XKR4: variants seen among roughly 807,000 people sequenced by gnomAD.
XKR4 encodes the protein XK-related protein 4.
Under a neutral mutation model 53.9 loss-of-function variants are expected in XKR4, and 12 were observed. The ratio of observed to expected loss-of-function variants is 0.22; its 90% CI spans 0.14 to 0.36. The LOEUF (loss-of-function observed/expected upper bound fraction) is 0.36. XKR4 is among the 10% of genes least tolerant of loss of function. The pLI is 1.00. For synonymous variants in XKR4, 354 were observed against 362.4 expected (o/e 0.98, Z 0.26); for missense variants, 799 against 859.5 (o/e 0.93, Z 0.88).
intron 1 of XKR4, among the ~76,000 whole-genome samples, chr8:55,283,305 G>A (rs1218512873): frequency 1.3e-5 from 2 of 152,172 alleles, no homozygotes; most frequent in African/African-American, 4.8e-5. Flanking sequence ...TGAAGAAGTA[G>A]CTATGGAATA....
chr8:55,207,412 C>T (rs1817664723), intron 1 of XKR4, among the ~76,000 whole-genome samples: 1 of 152,190 alleles, frequency 6.6e-6, no homozygotes, highest in Non-Finnish European at 1.5e-5. Context: ...CTAATTATTC[C>T]ATTCATTCCC....
chr8:55,391,055 C>T (rs1335422356), intron 2 of XKR4, among the ~76,000 whole-genome samples: 1 of 152,130 alleles, frequency 6.6e-6, no homozygotes, highest in Non-Finnish European at 1.5e-5. Flanking sequence ...GCATTCCTTA[C>T]AATAAGAGAA....
intron 1 of XKR4, among the ~76,000 whole-genome samples, chr8:55,137,832 A>G (rs1332983577): frequency 1.3e-5 from 2 of 152,136 alleles, no homozygotes; most frequent in African/African-American, 4.8e-5. Context: ...TTGGCCTTCC[A>G]AAGTGCTAGG....
At position 55,112,562 on chromosome 8, in the gene XKR4, GTTTTTTTTTT is replaced by G. The variant is rs761779642; in HGVS notation, c.806+9285_806+9294del. On this transcript the variant is annotated intron_variant, in intron 1 of 2. Transcript: ENST00000327381. Reference sequence around the variant, plus strand: ...TGGGGCTGAATTCTTTACTTTTCAGGTTTTTTTTTTTTTTTTTTTTTTTTTTAGGGAGCAG... The same window carrying G: ...TGGGGCTGAATTCTTTACTTTTCAGGTTTTTTTTTTTTTTTTAGGGAGCAG... 5.5e-3 allele frequency among the ~76,000 whole-genome samples: 424 copies of G among 77,218 alleles called. 3 individuals carry two copies. Among genetic ancestry groups the G allele is most frequent in the Middle Eastern group, 0.022 (1 of 46 alleles). The allele number at this position is 77,218 out of a possible 152,430, so 50.7% of individuals were successfully genotyped here. A position where few individuals can be genotyped will look rare whatever the true frequency, so the allele number is the denominator to read the frequency against.
intron 1 of XKR4, among the ~76,000 whole-genome samples, chr8:55,141,895 A>G (rs1418620814): frequency 6.6e-6 from 1 of 152,074 alleles, no homozygotes; most frequent in East Asian, 1.9e-4. Context: ...TGCTCACTGC[A>G]TAGTCCGCAG....
At chr8:55,171,399 T>C (rs1160895673) in intron 1 of XKR4, among the ~76,000 whole-genome samples, 1 of 152,154 alleles carries the variant, frequency 6.6e-6, no homozygotes, top group African/African-American at 2.4e-5. Context: ...CACTCAGCCA[T>C]AGACTTTTGG....
At chr8:55,289,442 G>A (rs1012946229) in intron 1 of XKR4, among the ~76,000 whole-genome samples, 1 of 150,892 alleles carries the variant, frequency 6.6e-6, no homozygotes, top group Non-Finnish European at 1.5e-5. Context: ...TTGAACCCAG[G>A]AGGCAGAGGT....
At chr8:55,361,392 A>T (rs1440551862) in intron 2 of XKR4, among the ~76,000 whole-genome samples, 3 of 152,134 alleles carry the variant, frequency 2.0e-5, no homozygotes, top group African/African-American at 7.2e-5. Context: ...TAGTGTCCAC[A>T]TGGAGGGTGC....
rs1199616695 is a variant in XKR4 at position 55,539,335 on chromosome 8, A to C, written c.*15108A>C. The C allele has an allele frequency of 6.6e-6, 1 of 152,194 alleles. No homozygotes were observed. Among genetic ancestry groups the C allele is most frequent in the Non-Finnish European group, 1.5e-5 (1 of 68,022 alleles). 9.4% of individuals were successfully genotyped at this position (152,194 alleles called of 1,614,324 possible). ...TTAAGGATTATATTCCATTGTGAAA[A>C]AAATGTGCACACTCTTAAAAACACA... On this transcript the variant is annotated 3_prime_UTR_variant, in exon 3 of 3. Coordinates refer to ENST00000327381, the MANE Select transcript of XKR4 (RefSeq NM_052898.2).
At chr8:55,381,716 C>T (rs1331316748) in intron 2 of XKR4, among the ~76,000 whole-genome samples, 2 of 152,200 alleles carry the variant, frequency 1.3e-5, no homozygotes, top group Non-Finnish European at 2.9e-5. Flanking sequence ...GAAACACCCT[C>T]ATAGACATAC....
At chr8:55,174,441 G>A (rs1352973726) in intron 1 of XKR4, among the ~76,000 whole-genome samples, 3 of 152,148 alleles carry the variant, frequency 2.0e-5, no homozygotes, top group African/African-American at 7.2e-5. Context: ...AGAGGAAAAG[G>A]ATGGGGACTA....
At chr8:55,178,882 C>T (rs1563476253) in intron 1 of XKR4, among the ~76,000 whole-genome samples, 1 of 152,090 alleles carries the variant, frequency 6.6e-6, no homozygotes, top group Non-Finnish European at 1.5e-5. Context: ...CTTGGTGTTC[C>T]CCAAAGAATA....
chr8:55,355,194 A>G (rs1563331310), intron 1 of XKR4, among the ~76,000 whole-genome samples: 3 of 152,046 alleles, frequency 2.0e-5, no homozygotes, highest in Admixed American at 1.3e-4. Context: ...GTGAGCCACC[A>G]TGCCCAGCCT....
chr8:55,307,103 A>C (rs1462664347), intron 1 of XKR4, among the ~76,000 whole-genome samples: 1 of 152,210 alleles, frequency 6.6e-6, no homozygotes, highest in Non-Finnish European at 1.5e-5. Flanking sequence ...TAGATTTGAC[A>C]CCAAAAGCAT....
In XKR4 at chr8:55,525,072, G is replaced by C. The variant is rs979187312; in HGVS notation, c.*845G>C. 6.6e-6 allele frequency: 1 copy of C among 152,610 alleles called. No homozygotes were observed. Among genetic ancestry groups the C allele is most frequent in the African/African-American group, 2.4e-5 (1 of 41,458 alleles). 9.5% of individuals were successfully genotyped at this position (152,610 alleles called of 1,614,324 possible). On this transcript the variant is annotated 3_prime_UTR_variant, in exon 3 of 3. Transcript: ENST00000327381. The stretch of plus-strand genomic sequence containing the variant: ...TACACAAAGAGGAAGTGGGGAAAAA[G>C]GCAAAATGAGAGTCTGATTCCCAGG...
At chr8:55,208,173 G>A (rs1442227846) in intron 1 of XKR4, among the ~76,000 whole-genome samples, 1 of 152,064 alleles carries the variant, frequency 6.6e-6, no homozygotes, top group Admixed American at 6.5e-5. Flanking sequence ...TTTGTATGTG[G>A]TCAGAGCACC....
At chr8:55,423,614 A>G (rs1804969209) in intron 2 of XKR4, among the ~76,000 whole-genome samples, 1 of 152,174 alleles carries the variant, frequency 6.6e-6, no homozygotes, top group African/African-American at 2.4e-5. Flanking sequence ...TGCTCCTTCT[A>G]TGCACGACAG....
At chr8:55,148,735 A>T (rs1036456528) in intron 1 of XKR4, among the ~76,000 whole-genome samples, 1 of 152,208 alleles carries the variant, frequency 6.6e-6, no homozygotes, top group Non-Finnish European at 1.5e-5. Flanking sequence ...TAAACAATTA[A>T]CAGCCAACTC....
chr8:55,305,800 T>C (rs1001478621), intron 1 of XKR4, among the ~76,000 whole-genome samples: 1 of 152,012 alleles, frequency 6.6e-6, no homozygotes, highest in African/African-American at 2.4e-5. Flanking sequence ...GAAGGAAAAA[T>C]ATATGACTTG....
Sources: gnomAD v4.1 joint callset for allele counts (sites outside exome capture counted in the v4.1 genomes callset) on GRCh38, gnomAD v4.1.1 for gene constraint, MANE v1.5 for transcripts, NCBI Gene and HGNC (gene_info 2026-07-23, HGNC 2026-07-21) for gene names.